The following TBC1D8B variants were observed in gnomAD, a reference collection of about 807,000 sequenced individuals.
TBC1D8B encodes the protein TBC1 domain family member 8B.
TBC1D8B carries 75 observed loss-of-function variants against 82.9 expected under a neutral mutation model. The ratio of observed to expected loss-of-function variants is 0.90; its 90% CI spans 0.75 to 1.10. The LOEUF (loss-of-function observed/expected upper bound fraction) is 1.10. TBC1D8B is among the 50% of genes least tolerant of loss of function. The pLI is 0.00. For missense variants in TBC1D8B, 794 were observed against 796.9 expected, an observed-to-expected ratio of 1.00 and a Z score of 0.04; for synonymous variants, 276 against 276.8, an observed-to-expected ratio of 1.00 and a Z score of 0.03.
intron 7 of TBC1D8B, among the ~76,000 whole-genome samples, chrX:106,834,867 C>T (rs1022978705): frequency 5.4e-5 from 6 of 112,093 alleles, no homozygotes; most frequent in Non-Finnish European, 7.5e-5. Flanking sequence ...GGCAGTTCCA[C>T]CCCTGTAGCT....
intron 7 of TBC1D8B, among the ~76,000 whole-genome samples, chrX:106,836,977 C>G (rs941623069): frequency 1.2e-4 from 13 of 111,415 alleles, no homozygotes; most frequent in African/African-American, 4.2e-4. Flanking sequence ...AAACAATGGA[C>G]AGCAACATAC....
At chrX:106,855,736 G>C (rs1476407185) in intron 14 of TBC1D8B, among the ~76,000 whole-genome samples, 1 of 111,424 alleles carries the variant, frequency 9.0e-6, no homozygotes, top group Non-Finnish European at 1.9e-5. Flanking sequence ...GTGGAAGCTG[G>C]GTAAAAGGGT....
At chrX:106,812,799 T>A (rs1324955869) in intron 1 of TBC1D8B, among the ~76,000 whole-genome samples, 1 of 111,997 alleles carries the variant, frequency 8.9e-6, no homozygotes, top group Non-Finnish European at 1.9e-5. Flanking sequence ...TGCTCAATAT[T>A]GGCCACAGGT....
At position 106,827,187 on chromosome X, in the gene TBC1D8B, G is replaced by A. The variant is rs74517887; in HGVS notation, c.1053G>A (p.Lys351=). ...IPLREVLAID[K]TNDSSKSVII... The stretch of plus-strand genomic sequence containing the variant: ...CCCCCTAGGTCTTAGCTATAGATAA[G>A]ACAAATGATTCCAGCAAATCTGTCA... Residue 351 remains lysine (K), a synonymous_variant, in exon 7 of 21, where the codon AAG becomes AAA. Transcript: ENST00000357242. 4.5e-4 allele frequency: 548 copies of A among 1,209,073 alleles called. 5 individuals carry two copies. The East Asian group carries it at 0.015, about 33-fold the overall frequency.
Position 106,802,760 on chromosome X carries a change from T to G in TBC1D8B, c.-94T>G. On this transcript the variant is annotated 5_prime_UTR_variant, in exon 1 of 21. Coordinates refer to ENST00000357242, the MANE Select transcript of TBC1D8B (RefSeq NM_017752.3). ...CTGAGCTGCTGTCGCCTGAGGAAGA[T>G]TTGGTGGGAGGAGAAGCAGAGGGGA... 8.9e-7 allele frequency: 1 copy of G among 1,129,035 alleles called. No individual in the cohort carries two copies. The highest frequency in any genetic ancestry group is 1.2e-6 in the Non-Finnish European group (1 of 837,340). The allele number at this position is 1,129,035 out of a possible 1,213,427, so 93.0% of individuals were successfully genotyped here. A position where few individuals can be genotyped will look rare whatever the true frequency, so the allele number is the denominator to read the frequency against.
chrX:106,844,368 C>T (rs1022024451), intron 10 of TBC1D8B, among the ~76,000 whole-genome samples: 3 of 108,115 alleles, frequency 2.8e-5, no homozygotes, highest in Non-Finnish European at 3.8e-5. Context: ...TATCAGGTTG[C>T]GGAAGTTCTC....
intron 12 of TBC1D8B, among the ~76,000 whole-genome samples, chrX:106,853,186 A>G (rs1274077878): frequency 9.0e-6 from 1 of 111,093 alleles, no homozygotes; most frequent in African/African-American, 3.3e-5. Context: ...CTTTGAAGCA[A>G]TTGTAAATGG....
chrX:106,873,624 G>C lies in TBC1D8B; in HGVS notation c.3022G>C (p.Glu1008Gln), dbSNP rs756893609. 1 of 1,209,922 alleles carries C rather than the reference G, an allele frequency of 8.3e-7. No individual in the cohort carries two copies. The highest frequency in any genetic ancestry group is 1.7e-5 in the African/African-American group (1 of 57,765). ...TLYNLFHEDP[E>Q]EESLYQAIAV... is the part of the protein sequence containing the mutation. ...CTATAACTTATTTCATGAGGACCCT[G>C]AAGAAGAATCATTATATCAAGCCAT... The change falls in exon 21 of 21, where the codon GAA becomes CAA. Residue 1008 changes from glutamate to glutamine, a missense_variant. Glu to Gln is a conservative substitution (Grantham distance 29). Transcript: ENST00000357242.
intron 14 of TBC1D8B, among the ~76,000 whole-genome samples, chrX:106,863,107 C>T (rs1932790443): frequency 8.9e-6 from 1 of 111,864 alleles, no homozygotes; most frequent in Non-Finnish European, 1.9e-5. Context: ...TGCCAGCATC[C>T]GTGGCAGCGT....
chrX:106,871,381 T>G (rs1410412913), intron 20 of TBC1D8B, among the ~76,000 whole-genome samples: 7 of 111,935 alleles, frequency 6.3e-5, no homozygotes, highest in Admixed American at 3.8e-4. Context: ...CATTTGACAA[T>G]TGAATAAGTA....
At chrX:106,822,272 GT>G in intron 4 of TBC1D8B, 70 bp downstream of exon 4, 1 of 846,260 alleles carries the variant, frequency 1.2e-6, no homozygotes, top group Non-Finnish European at 1.7e-6. Flanking sequence ...ATGATGTTAG[GT>G]TGTAAATAAA....
intron 14 of TBC1D8B, 155 bp from the exon 15 acceptor site, chrX:106,865,399 TTATAA>T (rs1441034144): frequency 1.9e-5 from 5 of 269,933 alleles, no homozygotes; most frequent in African/African-American, 1.1e-4. Context: ...GATAATAACT[TTATAA>T]TATAATAACT....
chrX:106,812,441 G>T (rs1465879750), intron 1 of TBC1D8B, among the ~76,000 whole-genome samples: 1 of 111,687 alleles, frequency 9.0e-6, no homozygotes, highest in African/African-American at 3.2e-5. Flanking sequence ...AATTATAATT[G>T]AACATTTTAC....
intron 8 of TBC1D8B, 113 bp from the exon 9 acceptor site, chrX:106,839,935 C>T: frequency 1.2e-6 from 1 of 834,267 alleles, no homozygotes; most frequent in Non-Finnish European, 1.6e-6. Context: ...TTTTGGTTTT[C>T]TATGTTCTTA....
rs376543146 is a variant in TBC1D8B at position 106,850,149 on chromosome X, T to A, written c.1962T>A (p.Phe654Leu). 126 of 1,209,948 alleles carry A rather than the reference T, an allele frequency of 1.0e-4. No homozygotes were observed. The highest frequency in any genetic ancestry group is 1.4e-4 in the Non-Finnish European group (121 of 895,207). The change falls in exon 12 of 21, where the codon TTT becomes TTA. Residue 654 changes from phenylalanine to leucine, a missense_variant. Physicochemically the swap from Phe to Leu is conservative, Grantham distance 22. Transcript: ENST00000357242. ...SVSLSWFLTL[F>L]ISVLPIESAV... The stretch of plus-strand genomic sequence containing the variant: ...CTCTCTCTTGGTTTCTCACACTTTT[T>A]ATTAGTGTGCTACCTATTGAAAGTG...
rs765012280 is a variant in TBC1D8B at position 106,865,623 on chromosome X, T to C, written c.2417T>C (p.Phe806Ser). ...GAATTGGATGAACTTTATGTCATCT[T>C]TAAGGTACTGTTGTTCTTCTTTAAA... Reference protein sequence around the residue: ...LQELDELYVIFKKELFLSCYW... With the variant: ...LQELDELYVISKKELFLSCYW... Residue 806 changes from phenylalanine to serine, a missense_variant, in exon 15 of 21, where the codon TTT becomes TCT. Physicochemically the swap from Phe to Ser is radical, Grantham distance 155 (BLOSUM62 -2). Coordinates refer to ENST00000357242, the MANE Select transcript of TBC1D8B (RefSeq NM_017752.3). The C allele has an allele frequency of 3.4e-6, 4 of 1,188,798 alleles. No individual in the cohort carries two copies. The African/African-American group carries it at 7.0e-5, about 21-fold the overall frequency.
intron 7 of TBC1D8B, chrX:106,829,041 AC>A (rs1285295861): frequency 9.3e-6 from 1 of 106,965 alleles, no homozygotes; most frequent in East Asian, 2.8e-4. Flanking sequence ...TATCTAGAAA[AC>A]CCCATAGTCT....
intron 10 of TBC1D8B, among the ~76,000 whole-genome samples, chrX:106,846,509 T>G (rs1444095945): frequency 9.0e-6 from 1 of 111,099 alleles, no homozygotes; most frequent in Non-Finnish European, 1.9e-5. Flanking sequence ...GATTCAGCCA[T>G]TTTATTAAAT....
At chrX:106,852,586 T>G (rs1231784461) in intron 12 of TBC1D8B, among the ~76,000 whole-genome samples, 1 of 111,065 alleles carries the variant, frequency 9.0e-6, no homozygotes, top group Admixed American at 9.6e-5. Context: ...TTGAATTAAT[T>G]TTTGTATAAG....
Sources: gnomAD v4.1 joint callset for allele counts (sites outside exome capture counted in the v4.1 genomes callset) on GRCh38, gnomAD v4.1.1 for gene constraint, MANE v1.5 for transcripts, NCBI Gene and HGNC (gene_info 2026-07-23, HGNC 2026-07-21) for gene names.